The following DCC variants were observed in gnomAD, a reference collection of about 807,000 sequenced individuals.
The protein encoded by DCC is DCC netrin 1 receptor.
DCC carries 58 observed loss-of-function variants against 172.5 expected under a neutral mutation model. The ratio of observed to expected loss-of-function variants is 0.34; its 90% CI spans 0.27 to 0.42. The LOEUF is 0.42. Among genes scored for constraint, DCC ranks in the 10% least tolerant of loss-of-function variants. DCC has a pLI of 1.00. For missense variants in DCC, 1,740 were observed against 1,791.0 expected (o/e 0.97, Z 0.51); for synonymous variants, 709 against 644.5 (o/e 1.10, Z -1.52).
chr18:53,277,370 A>T (rs1313898966), intron 12 of DCC, among the ~76,000 whole-genome samples: 1 of 152,058 alleles, frequency 6.6e-6, no homozygotes, highest in African/African-American at 2.4e-5. Context: ...GAGAAGGAGG[A>T]TCCTTATTAT....
intron 12 of DCC, among the ~76,000 whole-genome samples, chr18:53,249,674 G>A (rs182400770): frequency 4.7e-4 from 71 of 151,998 alleles, no homozygotes; most frequent in South Asian, 8.3e-4. Context: ...AATAGGAGGC[G>A]TAACAGTAGA....
At chr18:53,381,570 C>A (rs1220565905) in intron 15 of DCC, among the ~76,000 whole-genome samples, 1 of 82,166 alleles carries the variant, frequency 1.2e-5, no homozygotes, top group Non-Finnish European at 2.6e-5. Context: ...ACCCCCCCCC[C>A]ACCACCACCT....
intron 27 of DCC, among the ~76,000 whole-genome samples, chr18:53,524,861 A>G (rs1328392098): frequency 6.6e-6 from 1 of 152,044 alleles, no homozygotes; most frequent in African/African-American, 2.4e-5. Context: ...AAATGTGCGA[A>G]CTTAGGCAAG....
chr18:52,429,955 A>T (rs1380145750), intron 1 of DCC, among the ~76,000 whole-genome samples: 1 of 152,124 alleles, frequency 6.6e-6, no homozygotes. Context: ...GATCAACAGG[A>T]TTTGAGAGGT....
At chr18:52,448,652 A>T (rs1988204330) in intron 1 of DCC, among the ~76,000 whole-genome samples, 1 of 152,106 alleles carries the variant, frequency 6.6e-6, no homozygotes, top group Non-Finnish European at 1.5e-5. Context: ...TTTATTAGAG[A>T]TTTACAAGTG....
At chr18:53,315,240 C>T (rs373387053) in intron 13 of DCC, among the ~76,000 whole-genome samples, 20 of 152,182 alleles carry the variant, frequency 1.3e-4, no homozygotes, top group East Asian at 5.8e-4. Context: ...TGTGTTAGTT[C>T]GCTGAAAATG....
intron 12 of DCC, among the ~76,000 whole-genome samples, chr18:53,287,958 A>G (rs190953144): frequency 6.6e-6 from 1 of 152,150 alleles, no homozygotes; most frequent in East Asian, 1.9e-4. Context: ...TTAAGTTTAG[A>G]AGATTTATTG....
intron 8 of DCC, among the ~76,000 whole-genome samples, chr18:53,166,873 G>A (rs2054930181): frequency 6.6e-6 from 1 of 152,040 alleles, no homozygotes; most frequent in African/African-American, 2.4e-5. Context: ...CAAACCTATG[G>A]TTTTAGGGTA....
At chr18:53,290,951 G>A (rs895274538) in intron 12 of DCC, among the ~76,000 whole-genome samples, 23 of 152,046 alleles carry the variant, frequency 1.5e-4, no homozygotes, top group African/African-American at 4.6e-4. Flanking sequence ...AGCGGATCAC[G>A]AGGTCAGGAG....
chr18:53,245,006 C>A (rs528902006), intron 12 of DCC, among the ~76,000 whole-genome samples: 1 of 152,166 alleles, frequency 6.6e-6, no homozygotes, highest in African/African-American at 2.4e-5. Flanking sequence ...GGCTTAGTTA[C>A]TTGTGATCTT....
chr18:53,162,258 T>G (rs1169967193), intron 8 of DCC, among the ~76,000 whole-genome samples: 1 of 146,788 alleles, frequency 6.8e-6, no homozygotes, highest in Non-Finnish European at 1.5e-5. Context: ...GAGATCGTGC[T>G]ACTGCACCCC....
chr18:52,836,691 C>T (rs9966970), intron 2 of DCC, among the ~76,000 whole-genome samples: 119,848 of 152,126 alleles, frequency 0.79, 48,320 homozygotes, highest in Middle Eastern at 0.91. Flanking sequence ...GGGCACAGCC[C>T]CCTCCTGGCT....
At chr18:53,052,958 T>C (rs1041741678) in intron 5 of DCC, among the ~76,000 whole-genome samples, 6 of 151,888 alleles carry the variant, frequency 4.0e-5, no homozygotes, top group African/African-American at 1.5e-4. Context: ...GCTTGGCCAA[T>C]GTGGCAAAAC....
intron 7 of DCC, among the ~76,000 whole-genome samples, chr18:53,149,809 T>G (rs1281990293): frequency 6.6e-6 from 1 of 152,150 alleles, no homozygotes; most frequent in African/African-American, 2.4e-5. Context: ...CCGAAATTAG[T>G]TTCTCAGTTT....
At chr18:52,982,104 A>C (rs2041220834) in intron 5 of DCC, among the ~76,000 whole-genome samples, 1 of 152,184 alleles carries the variant, frequency 6.6e-6, no homozygotes. Context: ...CTTTGGACTC[A>C]GTTGCTGGAG....
At chr18:52,559,713 A>T (rs1406750288) in intron 1 of DCC, among the ~76,000 whole-genome samples, 1 of 152,110 alleles carries the variant, frequency 6.6e-6, no homozygotes, top group Non-Finnish European at 1.5e-5. Context: ...CTCTTAGAAA[A>T]AAAAAAGGGC....
chr18:53,104,877 C>T (rs1384138934), intron 7 of DCC, among the ~76,000 whole-genome samples: 3 of 152,004 alleles, frequency 2.0e-5, no homozygotes, highest in Non-Finnish European at 4.4e-5. Flanking sequence ...CCTGTCTGTG[C>T]AGTCTCCTAG....
At chr18:52,712,036 G>A (rs1442836126) in intron 1 of DCC, among the ~76,000 whole-genome samples, 2 of 151,406 alleles carry the variant, frequency 1.3e-5, no homozygotes, top group Non-Finnish European at 2.9e-5. Context: ...ACCTTGGCTC[G>A]CTGCAACCTC....
chr18:52,750,857 G>A (rs570870899), intron 1 of DCC, among the ~76,000 whole-genome samples: 28 of 151,680 alleles, frequency 1.8e-4, no homozygotes, highest in Admixed American at 5.2e-4. Context: ...TCCCATTACA[G>A]AAAAATGAAG....
Sources: allele counts gnomAD v4.1 joint callset (sites outside exome capture counted in the v4.1 genomes callset), GRCh38; gene constraint gnomAD v4.1.1; transcripts MANE v1.5; gene names NCBI Gene and HGNC (gene_info 2026-07-23, HGNC 2026-07-21).